Variants in CLSTN1 observed in about 807,000 individuals in gnomAD.
CLSTN1 encodes calsyntenin 1, also known as calsyntenin-1.
Under a neutral mutation model 108.3 loss-of-function variants are expected in CLSTN1, and 28 were observed. The observed-to-expected ratio is 0.26, with a 90% CI of 0.19 to 0.35. CLSTN1 has a LOEUF of 0.35. CLSTN1 is among the 10% of genes least tolerant of loss of function. CLSTN1 has a pLI of 1.00. For missense variants in CLSTN1, 1,157 were observed against 1,302.6 expected (o/e 0.89, Z 1.72); for synonymous variants, 524 against 534.9 (o/e 0.98, Z 0.28).
At chr1:9,812,128 C>T (rs1256956402) in intron 1 of CLSTN1, among the ~76,000 whole-genome samples, 1 of 152,116 alleles carries the variant, frequency 6.6e-6, no homozygotes, top group Non-Finnish European at 1.5e-5. Flanking sequence ...CAGAGCAAGA[C>T]TCCGTCTCAA....
chr1:9,747,763 T>C (rs1651351933), intron 7 of CLSTN1, among the ~76,000 whole-genome samples: 1 of 152,144 alleles, frequency 6.6e-6, no homozygotes, highest in African/African-American at 2.4e-5. Flanking sequence ...TATAAACCAG[T>C]GGCCGGGCGC....
At chr1:9,743,657 C>T (rs905147178) in intron 9 of CLSTN1, among the ~76,000 whole-genome samples, 1 of 152,030 alleles carries the variant, frequency 6.6e-6, no homozygotes, top group Non-Finnish European at 1.5e-5. Context: ...CATCAATCAT[C>T]CCACCTCAGC....
chr1:9,779,007 G>C (rs1408613836), intron 1 of CLSTN1, among the ~76,000 whole-genome samples: 1 of 150,666 alleles, frequency 6.6e-6, no homozygotes, highest in Admixed American at 6.6e-5. Context: ...TGGGAGAGAA[G>C]CGAGAGACTT....
chr1:9,745,238 A>C (rs1233038065), intron 7 of CLSTN1, among the ~76,000 whole-genome samples: 4 of 151,922 alleles, frequency 2.6e-5, no homozygotes, highest in African/African-American at 7.2e-5. Context: ...CAAAAAAAAA[A>C]AAAAAAAACA....
chr1:9,774,992 G>A (rs149965404), intron 1 of CLSTN1, among the ~76,000 whole-genome samples: 138 of 152,274 alleles, frequency 9.1e-4, no homozygotes, highest in African/African-American at 3.1e-3. Flanking sequence ...TTTGTAAACT[G>A]TCATGGTGCT....
chr1:9,790,328 G>GA (rs1653703770), intron 1 of CLSTN1, among the ~76,000 whole-genome samples: 1 of 151,374 alleles, frequency 6.6e-6, no homozygotes, highest in Non-Finnish European at 1.5e-5. Context: ...TCCTAACTTT[G>GA]AGAGTTTTCA....
intron 1 of CLSTN1, among the ~76,000 whole-genome samples, chr1:9,775,572 C>A (rs578179701): frequency 6.6e-6 from 1 of 152,164 alleles, no homozygotes; most frequent in African/African-American, 2.4e-5. Flanking sequence ...AGTATCTCCA[C>A]ACGCACACTG....
At chr1:9,767,008 T>C (rs568985902) in intron 2 of CLSTN1, among the ~76,000 whole-genome samples, 3 of 152,342 alleles carry the variant, frequency 2.0e-5, no homozygotes, top group Non-Finnish European at 4.4e-5. Context: ...AACTGGAATG[T>C]TCACACAGTG....
In CLSTN1 at chr1:9,765,298, C is replaced by A. The variant is rs4483415; in HGVS notation, c.214+7974G>T. 7.7e-3 allele frequency among the ~76,000 whole-genome samples: 1,168 copies of A among 152,022 alleles called. 19 individuals are homozygous for A. The highest frequency in any genetic ancestry group is 0.024 in the African/African-American group (1,009 of 41,480). On this transcript the variant is annotated intron_variant, in intron 2 of 18. Transcript: ENST00000377298. ...ACTCGGGAGACTGATACAGGAGAAT[C>A]GCTTGAACCCAGGAGGCGGAGGTTG...
chr1:9,744,600 T>A lies in CLSTN1; in HGVS notation c.1029A>T (p.Gly343=). ...GCAGGCCCATGGTCCAGTTGAGGGA[T>A]CCACTCGGGGATGGCAGCAGCTCGG... ...GTAELLPSPS[G]SLNWTMGLPT... Residue 343 remains glycine (G), a synonymous_variant, in exon 8 of 19, where the codon GGA becomes GGT. Transcript: ENST00000377298. 6.2e-7 allele frequency: 1 copy of A among 1,613,314 alleles called. No homozygotes were observed. Among genetic ancestry groups the A allele is most frequent in the Non-Finnish European group, 8.5e-7 (1 of 1,179,972 alleles).
At chr1:9,781,759 C>T (rs1653262055) in intron 1 of CLSTN1, among the ~76,000 whole-genome samples, 1 of 151,906 alleles carries the variant, frequency 6.6e-6, no homozygotes, top group African/African-American at 2.4e-5. Context: ...CTTTTTTTAA[C>T]GGCTCTAATG....
At chr1:9,758,368 C>A (rs1404904110) in intron 2 of CLSTN1, among the ~76,000 whole-genome samples, 3 of 151,382 alleles carry the variant, frequency 2.0e-5, no homozygotes, top group Non-Finnish European at 4.4e-5. Context: ...GGCTGGAGTA[C>A]AGTGGTAGCA....
chr1:9,809,142 C>T (rs1654625493), intron 1 of CLSTN1, among the ~76,000 whole-genome samples: 1 of 152,178 alleles, frequency 6.6e-6, no homozygotes, highest in Non-Finnish European at 1.5e-5. Flanking sequence ...CCAAGACTTA[C>T]ACCTCTGGCC....
At chr1:9,765,700 C>T (rs750790906) in intron 2 of CLSTN1, among the ~76,000 whole-genome samples, 5 of 151,662 alleles carry the variant, frequency 3.3e-5, no homozygotes, top group Non-Finnish European at 5.9e-5. Context: ...GCCAACAAAG[C>T]GGAACCCTCC....
intron 1 of CLSTN1, among the ~76,000 whole-genome samples, chr1:9,794,956 G>T (rs1653924063): frequency 6.7e-6 from 1 of 150,190 alleles, no homozygotes. Flanking sequence ...GTTCTTAACA[G>T]CTGTTACCCA....
rs181698965 is a variant in CLSTN1, at chr1:9,803,351, C to G, written c.91+20292G>C. 4.3e-4 allele frequency among the ~76,000 whole-genome samples: 66 copies of G among 152,308 alleles called. 1 individual carries two copies. The East Asian group carries it at 0.012, about 28-fold the overall frequency. ...AAACAAACCAACAAACCACCCAAAA[C>G]AGCAGCTCTCAACCTCTCCCATCAA... On this transcript the variant is annotated intron_variant, in intron 1 of 18. Coordinates refer to ENST00000377298, the MANE Select transcript of CLSTN1 (RefSeq NM_001009566.3).
At chr1:9,738,051 T>C (rs1650785750) in intron 10 of CLSTN1, among the ~76,000 whole-genome samples, 1 of 152,222 alleles carries the variant, frequency 6.6e-6, no homozygotes, top group Non-Finnish European at 1.5e-5. Context: ...CGGAAGTCTG[T>C]ATATTTTGGA....
chr1:9,820,433 C>T (rs1023588104), intron 1 of CLSTN1, among the ~76,000 whole-genome samples: 1 of 152,056 alleles, frequency 6.6e-6, no homozygotes, highest in African/African-American at 2.4e-5. Flanking sequence ...GCAGAAGAAT[C>T]TCTTGAACCC....
intron 4 of CLSTN1, among the ~76,000 whole-genome samples, chr1:9,752,825 G>A (rs974768319): frequency 1.3e-5 from 2 of 152,062 alleles, no homozygotes; most frequent in East Asian, 1.9e-4. Flanking sequence ...TTGTGCCACC[G>A]CACTCCAGCC....
Sources: allele counts gnomAD v4.1 joint callset (sites outside exome capture counted in the v4.1 genomes callset), GRCh38; gene constraint gnomAD v4.1.1; transcripts MANE v1.5; gene names NCBI Gene and HGNC (gene_info 2026-07-23, HGNC 2026-07-21).